ARHGAP45: variants seen among roughly 807,000 people sequenced by gnomAD.
ARHGAP45 encodes the protein rho GTPase-activating protein 45.
In ARHGAP45, 56 loss-of-function variants were observed where a neutral mutation model predicts 116.1. The ratio of observed to expected loss-of-function variants is 0.48; its 90% confidence interval spans 0.39 to 0.60. ARHGAP45 has a LOEUF of 0.60. Among genes scored for constraint, ARHGAP45 ranks in the 20% least tolerant of loss-of-function variants. The pLI is 0.00. For missense variants in ARHGAP45, 1,622 were observed against 1,601.0 expected, an observed-to-expected ratio of 1.01 and a Z score of -0.22; for synonymous variants, 866 against 701.7, an observed-to-expected ratio of 1.23 and a Z score of -3.70.
At chr19:1,082,728 G>C (rs1294603715) in intron 19 of ARHGAP45, 112 bp from the exon 20 acceptor site, 1 of 929,142 alleles carries the variant, frequency 1.1e-6, no homozygotes, top group East Asian at 2.9e-5. Flanking sequence ...CCCGAGCTCG[G>C]TGGGGTGTGG....
At chr19:1,074,925 G>C (rs1568461849) in intron 10 of ARHGAP45, 46 bp downstream of exon 10, 2 of 1,451,184 alleles carry the variant, frequency 1.4e-6, no homozygotes, top group Non-Finnish European at 9.2e-7. Context: ...AGCGGGCCTC[G>C]GCGCAGGCGC....
At chr19:1,072,999 G>A (rs2043168088) in intron 2 of ARHGAP45, 150 bp from the exon 3 acceptor site, 7 of 918,260 alleles carry the variant, frequency 7.6e-6, no homozygotes, top group African/African-American at 1.7e-5. Context: ...CCCTCCCCGC[G>A]GTCTCGAAAT....
At chr19:1,078,362 C>G (rs2043325160) in intron 11 of ARHGAP45, among the ~76,000 whole-genome samples, 1 of 152,024 alleles carries the variant, frequency 6.6e-6, no homozygotes, top group South Asian at 2.1e-4. Flanking sequence ...CCAGGATGGT[C>G]TCGATCTCCT....
Position 1,067,513 on chromosome 19 carries a change from G to A in ARHGAP45, c.90+18G>A. 1 of 1,580,726 alleles carries A rather than the reference G, an allele frequency of 6.3e-7. No homozygotes were observed. Among genetic ancestry groups the A allele is most frequent in the Non-Finnish European group, 8.6e-7 (1 of 1,163,694 alleles). On this transcript the variant is annotated intron_variant, in intron 1 of 22. Coordinates refer to ENST00000313093, the MANE Select transcript of ARHGAP45 (RefSeq NM_012292.5). Reference sequence around the variant, plus strand: ...CCTCGGGGGTGAGTGGAGCCCGGGTGAGACCCGGAGCTGACGCCGGGCCGC... The same window carrying A: ...CCTCGGGGGTGAGTGGAGCCCGGGTAAGACCCGGAGCTGACGCCGGGCCGC...
At position 1,068,649 on chromosome 19, in the gene ARHGAP45, G is replaced by A. The variant is rs1430774148; in HGVS notation, c.326G>A (p.Gly109Asp). 2 of 1,612,478 alleles carry A rather than the reference G, an allele frequency of 1.2e-6. No individual in the cohort carries two copies. Among genetic ancestry groups the A allele is most frequent in the Non-Finnish European group, 1.7e-6 (2 of 1,179,970 alleles). The change falls in exon 2 of 23, where the codon GGC (glycine) becomes GAC (aspartate). Residue 109 changes from glycine (G) to aspartate (D), a missense_variant. Transcript: ENST00000313093. The surrounding 1 kb of genome is among the most constrained non-coding windows in gnomAD (Gnocchi z 7.5). Reference sequence around the variant, plus strand: ...GGCGAGCTGCCCACCGAGGGTGCCGGCCCGGACGTCGTCGAGGACATCTCC... The same window carrying A: ...GGCGAGCTGCCCACCGAGGGTGCCGACCCGGACGTCGTCGAGGACATCTCC... ...SPGELPTEGA[G>D]PDVVEDISHL...
In ARHGAP45 at chr19:1,071,329, G is replaced by A. The variant is rs1649383533; in HGVS notation, c.422-1820G>A. ...ACGGCGCACCCGGTGCTGGACGAGGGCCCCGTGCGCTGCCGGGCGGGCCCC... is the reference window on the plus strand; with the variant it reads ...ACGGCGCACCCGGTGCTGGACGAGGACCCCGTGCGCTGCCGGGCGGGCCCC... On this transcript the variant is annotated intron_variant, in intron 2 of 22. Coordinates refer to ENST00000313093, the MANE Select transcript of ARHGAP45 (RefSeq NM_012292.5). The surrounding 1 kb of genome is among the most constrained non-coding windows in gnomAD (Gnocchi z 4.6). The A allele has an allele frequency of 2.9e-6, 4 of 1,394,712 alleles. No individual in the cohort carries two copies. The highest frequency in any genetic ancestry group is 3.0e-5 in the South Asian group (2 of 67,062). The allele number at this position is 1,394,712 out of a possible 1,614,324, so 86.4% of individuals were successfully genotyped here.
chr19:1,072,881 G>A (rs1437298802), intron 2 of ARHGAP45, among the ~76,000 whole-genome samples: 1 of 152,202 alleles, frequency 6.6e-6, no homozygotes. Context: ...AAGGACAAGA[G>A]GCAGTTTGCT....
At position 1,070,230 on chromosome 19, in the gene ARHGAP45, G is replaced by A. The variant is rs1172796835; in HGVS notation, c.421+1486G>A. ...AGGTTGGTCTCAAACCCCTAACCTC[G>A]TGATCCGCATGCCTCAGCCTCCCAA... On this transcript the variant is annotated intron_variant, in intron 2 of 22. Transcript: ENST00000313093. 2.0e-5 allele frequency among the ~76,000 whole-genome samples: 3 copies of A among 151,484 alleles called. No homozygotes were observed. The East Asian group carries it at 5.8e-4, about 29-fold the overall frequency.
At chr19:1,073,332 A>G (rs1568458042) in intron 3 of ARHGAP45, 40 bp downstream of exon 3, 1 of 1,606,934 alleles carries the variant, frequency 6.2e-7, no homozygotes. Flanking sequence ...CTCTCTGCCT[A>G]GAAGGGCATC....
intron 1 of ARHGAP45, 157 bp downstream of exon 1, chr19:1,067,652 G>A (rs1458070627): frequency 2.6e-6 from 2 of 764,316 alleles, no homozygotes; most frequent in Admixed American, 2.0e-5. Context: ...CAGAGAGGCC[G>A]GGACCCCGGC....
intron 10 of ARHGAP45, among the ~76,000 whole-genome samples, chr19:1,075,394 G>C (rs1223789565): frequency 1.3e-5 from 2 of 151,844 alleles, no homozygotes; most frequent in African/African-American, 4.8e-5. Context: ...ACAGAAGCAC[G>C]CCACCACACC....
Position 1,083,327 on chromosome 19 carries a change from G to T in ARHGAP45, c.2929G>T (p.Glu977Ter). Reference sequence around the variant, plus strand: ...CCACTACGGCCTGGTCTTCGAGGAGGAGCCGGAGGAGACCCCCGGGGGCCA... The same window carrying T: ...CCACTACGGCCTGGTCTTCGAGGAGTAGCCGGAGGAGACCCCCGGGGGCCA... ...IVHYGLVFEE[E>*]PEETPGGQDE... The change falls in exon 21 of 23, where the codon GAG becomes TAG. Residue 977 changes from glutamate (E) to a stop codon, truncating the protein, a stop_gained. Transcript: ENST00000313093. LOFTEE classifies it high-confidence loss of function. The T allele has an allele frequency of 6.4e-7, 1 of 1,557,214 alleles. No homozygotes were observed. The highest frequency in any genetic ancestry group is 8.7e-7 in the Non-Finnish European group (1 of 1,152,150).
At position 1,074,205 on chromosome 19, in the gene ARHGAP45, G is replaced by A; in HGVS notation, c.892G>A (p.Asp298Asn). The change falls in exon 7 of 23, where the codon GAC becomes AAC. Residue 298 changes from aspartate (D) to asparagine (N), a missense_variant. Transcript: ENST00000313093. Reference protein sequence around the residue: ...YAKNMAKYMKDLISYLEKRTT... With the variant: ...YAKNMAKYMKNLISYLEKRTT... Reference sequence around the variant, plus strand: ...CAAGAACATGGCCAAGTACATGAAGGACCTCATCAGCTACCTGGAGAAGCG... The same window carrying A: ...CAAGAACATGGCCAAGTACATGAAGAACCTCATCAGCTACCTGGAGAAGCG... 1 of 1,613,428 alleles carries A rather than the reference G, an allele frequency of 6.2e-7. No individual in the cohort carries two copies. Among genetic ancestry groups the A allele is most frequent in the Non-Finnish European group, 8.5e-7 (1 of 1,180,016 alleles).
rs190645513 is a variant in ARHGAP45, at chr19:1,078,919, G to A, written c.1375-784G>A. Among the ~76,000 whole-genome samples the A allele has an allele frequency of 5.6e-3, 844 of 150,332 alleles. 6 individuals carry two copies. Among genetic ancestry groups the A allele is most frequent in the Middle Eastern group, 0.017 (5 of 290 alleles). ...TTCTTGGCCGGGCGCAGTGGCTCAC[G>A]CCTGTAATCCCAGCACTTTGGGAGG... is the stretch of plus-strand genomic sequence containing the variant. On this transcript the variant is annotated intron_variant, in intron 11 of 22. Coordinates refer to ENST00000313093, the MANE Select transcript of ARHGAP45 (RefSeq NM_012292.5).
intron 10 of ARHGAP45, chr19:1,077,374 CTTTTTTTTTTT>C (rs34571690): frequency 4.3e-6 from 4 of 921,070 alleles, no homozygotes; most frequent in African/African-American, 2.2e-5. Context: ...TCCTCCCGTT[CTTTTTTTTTTT>C]TTTTTTTTTG....
Position 1,071,240 on chromosome 19 carries a change from G to A in ARHGAP45, c.422-1909G>A. 6.8e-7 allele frequency: 1 copy of A among 1,471,550 alleles called. No individual in the cohort carries two copies. Among genetic ancestry groups the A allele is most frequent in the East Asian group, 3.0e-5 (1 of 32,936 alleles). 91.2% of individuals were successfully genotyped at this position (1,471,550 alleles called of 1,614,324 possible). ...GGCCACCGGAGACCCCCATCGGTCA[G>A]CTGCCAGGCCCCACGCGCTCGCGGT... On this transcript the variant is annotated intron_variant, in intron 2 of 22. Transcript: ENST00000313093. This position sits in a 1 kb window ranked among gnomAD's most constrained non-coding sequence, Gnocchi z 4.6.
rs184027312 is a variant in ARHGAP45, at chr19:1,084,849, G to A, written c.3064+503G>A. Among the ~76,000 whole-genome samples, 567 of 152,256 alleles carry A rather than the reference G, an allele frequency of 3.7e-3. 2 individuals carry two copies. Among genetic ancestry groups the A allele is most frequent in the Admixed American group, 7.7e-3 (117 of 15,284 alleles). ...GCCTGTAATCCTCGCACTTTGGGAGGACAAGGCAGATCACTTGAGGTTAGG... is the reference window on the plus strand; with the variant it reads ...GCCTGTAATCCTCGCACTTTGGGAGAACAAGGCAGATCACTTGAGGTTAGG... On this transcript the variant is annotated intron_variant, in intron 22 of 22. Transcript: ENST00000313093.
intron 21 of ARHGAP45, among the ~76,000 whole-genome samples, chr19:1,083,902 G>A (rs1326369246): frequency 3.9e-5 from 6 of 152,074 alleles, no homozygotes; most frequent in African/African-American, 4.8e-5. Context: ...CACCACACCC[G>A]GCTAATTTTT....
At chr19:1,076,536 G>T (rs2043255020) in intron 10 of ARHGAP45, among the ~76,000 whole-genome samples, 3 of 112,206 alleles carry the variant, frequency 2.7e-5, no homozygotes, top group African/African-American at 1.1e-4. Flanking sequence ...TCACTCTGTT[G>T]CCCAGGCTGC....
Sources: allele counts gnomAD v4.1 joint callset (sites outside exome capture counted in the v4.1 genomes callset), GRCh38; gene constraint gnomAD v4.1.1; non-coding constraint Gnocchi (gnomAD v3.1); transcripts MANE v1.5; gene names NCBI Gene and HGNC (gene_info 2026-07-23, HGNC 2026-07-21).